REC8: variants seen among roughly 807,000 people sequenced by gnomAD.
REC8 encodes the protein REC8 meiotic recombination protein.
Under a neutral mutation model 78.3 loss-of-function variants are expected in REC8, and 42 were observed. That is an observed-to-expected ratio of 0.54 (90% confidence interval 0.42 to 0.69). The LOEUF (loss-of-function observed/expected upper bound fraction) is 0.69. Among genes scored for constraint, REC8 ranks in the 30% least tolerant of loss-of-function variants. The pLI is 0.00. For missense variants in REC8, 581 were observed against 715.8 expected, an observed-to-expected ratio of 0.81 and a Z score of 2.15; for synonymous variants, 268 against 274.1, an observed-to-expected ratio of 0.98 and a Z score of 0.22.
chr14:24,180,501 G>T (rs1433731453), downstream of REC8: 1 of 1,614,062 alleles, frequency 6.2e-7, no homozygotes, highest in Admixed American at 1.7e-5. Context: ...AGTGAGCCCA[G>T]AGCTGCTTGA....
In REC8 at chr14:24,177,046, C is replaced by T. The variant is rs956695810; in HGVS notation, c.625-95C>T. 34 of 1,387,308 alleles carry T rather than the reference C, an allele frequency of 2.5e-5. No homozygotes were observed. The African/African-American group carries it at 4.5e-4, about 19-fold the overall frequency. The allele number at this position is 1,387,308 out of a possible 1,614,324, so 85.9% of individuals were successfully genotyped here. On this transcript the variant is annotated intron_variant, in intron 7 of 18. Transcript: ENST00000611366. ...CCCAGTGGCTTCCTTGAACCTGGCC[C>T]TGTGGCATGCCTCTGGGATCCACTC... is the stretch of plus-strand genomic sequence containing the variant.
rs1429890024 is a variant in REC8 at position 24,178,315 on chromosome 14, T to TG, written c.996+99dup. ...GAGCCTTCCAAACTCCTCAGGTGGG[T>TG]GGGGGGAGGATTGGGAACTTGATGA... is the stretch of plus-strand genomic sequence containing the variant. On this transcript the variant is annotated intron_variant, in intron 12 of 18. Coordinates refer to ENST00000611366, the MANE Select transcript of REC8 (RefSeq NM_001048205.2). The TG allele has an allele frequency of 5.1e-6, 6 of 1,185,000 alleles. No individual in the cohort carries two copies. In the Admixed American group the frequency reaches 6.4e-5, roughly 13 times the overall value. The allele number at this position is 1,185,000 out of a possible 1,614,324, so 73.4% of individuals were successfully genotyped here.
chr14:24,179,508 C>T lies in REC8; in HGVS notation c.1319+45C>T, dbSNP rs751932120. ...GGGAGCCAGGGCCCACAGCCCTTGG[C>T]CAGGTGGTGGAAACAGCTGCTGGGA... On this transcript the variant is annotated intron_variant, in intron 16 of 18. Coordinates refer to ENST00000611366, the MANE Select transcript of REC8 (RefSeq NM_001048205.2). 5 of 1,613,386 alleles carry T rather than the reference C, an allele frequency of 3.1e-6. No homozygotes were observed. In the East Asian group the frequency reaches 8.9e-5, roughly 29 times the overall value.
downstream of REC8, chr14:24,180,658 G>A (rs768891860): frequency 9.9e-6 from 16 of 1,613,066 alleles, no homozygotes; most frequent in South Asian, 2.2e-5. Flanking sequence ...CCAGCCTCCC[G>A]CAAGCCCCTG....
At chr14:24,178,486 T>A in intron 12 of REC8, 120 bp from the exon 13 acceptor site, 1 of 1,069,088 alleles carries the variant, frequency 9.4e-7, no homozygotes, top group Admixed American at 2.4e-5. Context: ...GCAGGCAGGG[T>A]CATGAGCGCA....
At position 24,177,732 on chromosome 14, in the gene REC8, C is replaced by G; in HGVS notation, c.838C>G (p.Arg280Gly). The G allele has an allele frequency of 1.2e-6, 2 of 1,610,854 alleles. No homozygotes were observed. The highest frequency in any genetic ancestry group is 1.7e-6 in the Non-Finnish European group (2 of 1,178,386). Residue 280 changes from arginine to glycine, a missense_variant, in exon 11 of 19, where the codon CGT (arginine) becomes GGT (glycine). Physicochemically the swap from Arg to Gly is moderately radical, Grantham distance 125. Coordinates refer to ENST00000611366, the MANE Select transcript of REC8 (RefSeq NM_001048205.2). ...LMEVTPPEEL[R>G]LPAPPSPERR... ...AGAGGTGACCCCCCCGGAGGAGCTG[C>G]GTCTGCCAGCCCCACCCAGCCCAGA...
chr14:24,174,047 T>G (rs759615407), intron 5 of REC8, among the ~76,000 whole-genome samples: 15 of 151,808 alleles, frequency 9.9e-5, no homozygotes, highest in Non-Finnish European at 1.8e-4. Flanking sequence ...GTATTTTTAG[T>G]TGAGACAGGG....
chr14:24,179,498 C>T (rs376109147), intron 16 of REC8, 35 bp downstream of exon 16: 4 of 1,613,602 alleles, frequency 2.5e-6, no homozygotes, highest in South Asian at 2.2e-5. Context: ...CCAGGGCCCA[C>T]AGCCCTTGGC....
Position 24,176,849 on chromosome 14 carries a change from C to T in REC8, c.572C>T (p.Pro191Leu). 6.2e-7 allele frequency: 1 copy of T among 1,613,772 alleles called. No homozygotes were observed. Among genetic ancestry groups the T allele is most frequent in the Non-Finnish European group, 8.5e-7 (1 of 1,179,870 alleles). ...AGGATTCCGGTCACTGTGCTGCCAC[C>T]TGAGGCCATCACGATCCTGGAGGCA... ...PERIPVTVLP[P>L]EAITILEAEP... is the part of the protein sequence containing the mutation. The change falls in exon 7 of 19, where the codon CCT (proline) becomes CTT (leucine). Residue 191 changes from proline to leucine, a missense_variant. Transcript: ENST00000611366.
At chr14:24,178,319 G>T in intron 12 of REC8, 97 bp downstream of exon 12, 1 of 1,089,896 alleles carries the variant, frequency 9.2e-7, no homozygotes, top group South Asian at 1.4e-5. Context: ...GGTGGGTGGG[G>T]GGAGGATTGG....
Position 24,178,614 on chromosome 14 carries a change from G to A in REC8, c.1005G>A (p.Val335=), listed in dbSNP as rs375368822. Residue 335 remains valine (V), a synonymous_variant, in exon 13 of 19, where the codon GTG becomes GTA. Coordinates refer to ENST00000611366, the MANE Select transcript of REC8 (RefSeq NM_001048205.2). The part of the protein sequence containing the change: ...TRAHCWECPM[V]QPPERTIRGP... The stretch of plus-strand genomic sequence containing the variant: ...CTTCCCCCACTACACAGCCTATGGT[G>A]CAGCCGCCCGAGAGGACCATCAGAG... The A allele has an allele frequency of 6.2e-7, 1 of 1,614,028 alleles. No individual in the cohort carries two copies. Among genetic ancestry groups the A allele is most frequent in the South Asian group, 1.1e-5 (1 of 91,086 alleles).
chr14:24,173,109 G>A lies in REC8; in HGVS notation c.269-17G>A. On this transcript the variant is annotated splice_polypyrimidine_tract_variant and intron_variant, in intron 3 of 18. Transcript: ENST00000611366. ...GTCTGCTAAGCTGGCTGTCTACCTC[G>A]TCCTCCCTGCCCACAGAGGACATCC... 1 of 1,613,596 alleles carries A rather than the reference G, an allele frequency of 6.2e-7. No individual in the cohort carries two copies. The highest frequency in any genetic ancestry group is 1.1e-5 in the South Asian group (1 of 91,082).
At position 24,180,083 on chromosome 14, in the gene REC8, C is replaced by G; in HGVS notation, c.1632C>G (p.Pro544=). Residue 544 remains proline (P), a synonymous_variant, in exon 19 of 19, where the codon CCC becomes CCG. Transcript: ENST00000611366. ...GTCGCCTCCTGATCCAGCCGGGGCC[C>G]AGATTCCACTGAGGTTAGAGTCCAT... is the stretch of plus-strand genomic sequence containing the variant. ...PYGRLLIQPG[P]RFH 6.2e-7 allele frequency: 1 copy of G among 1,614,164 alleles called. No individual in the cohort carries two copies. Among genetic ancestry groups the G allele is most frequent in the South Asian group, 1.1e-5 (1 of 91,078 alleles).
At position 24,180,188 on chromosome 14, in the gene REC8, T is replaced by A. The variant is rs568707414; in HGVS notation, c.*93T>A. The stretch of plus-strand genomic sequence containing the variant: ...GGGTCCTGCTTACCTCATTTCTGAA[T>A]GTGCATTTCCAGCCTTCTTGCTCTC... On this transcript the variant is annotated 3_prime_UTR_variant, in exon 19 of 19. Transcript: ENST00000611366. The A allele has an allele frequency of 1.2e-6, 2 of 1,600,096 alleles. No homozygotes were observed. The highest frequency in any genetic ancestry group is 2.3e-5 in the South Asian group (2 of 88,364).
Position 24,177,167 on chromosome 14 carries a change from C to T in REC8, c.651C>T (p.Ser217=), listed in dbSNP as rs2038933341. 1 of 1,614,118 alleles carries T rather than the reference C, an allele frequency of 6.2e-7. No homozygotes were observed. The highest frequency in any genetic ancestry group is 8.5e-7 in the Non-Finnish European group (1 of 1,180,000). The change falls in exon 8 of 19, where the codon AGC becomes AGT. Residue 217 remains serine, a synonymous_variant. Transcript: ENST00000611366. ...GTGAACGGGAGCTCCCAGAGGTCAG[C>T]CGCCGAGAACTGGACCTGCTGATCG... ...IEGERELPEV[S]RRELDLLIAE...
At position 24,173,121 on chromosome 14, in the gene REC8, C is replaced by T. The variant is rs1313126419; in HGVS notation, c.269-5C>T. On this transcript the variant is annotated splice_polypyrimidine_tract_variant and splice_region_variant and intron_variant, in intron 3 of 18. Coordinates refer to ENST00000611366, the MANE Select transcript of REC8 (RefSeq NM_001048205.2). ...GGCTGTCTACCTCGTCCTCCCTGCC[C>T]ACAGAGGACATCCAGCACATCTTGG... 1.2e-6 allele frequency: 2 copies of T among 1,613,858 alleles called. No individual in the cohort carries two copies. The highest frequency in any genetic ancestry group is 1.7e-6 in the Non-Finnish European group (2 of 1,180,054).
Position 24,177,558 on chromosome 14 carries a change from C to T in REC8, c.814+17C>T. 6.2e-7 allele frequency: 1 copy of T among 1,605,480 alleles called. No homozygotes were observed. Among genetic ancestry groups the T allele is most frequent in the Non-Finnish European group, 8.5e-7 (1 of 1,175,906 alleles). ...TACTCATGGGTGAGTGCCCACCATG[C>T]CCCAGGGGCTTTTCTGGGAGTACCT... On this transcript the variant is annotated intron_variant, in intron 10 of 18. Transcript: ENST00000611366.
intron 16 of REC8, 25 bp downstream of exon 16, chr14:24,179,488 C>A (rs1445395906): frequency 6.2e-7 from 1 of 1,613,936 alleles, no homozygotes; most frequent in African/African-American, 1.3e-5. Flanking sequence ...TCCGTGGGAG[C>A]CAGGGCCCAC....
Position 24,178,772 on chromosome 14 carries a change from C to T in REC8, c.1064-5C>T. ...ACCCCGTGCCTACTACCCTCTTGTC[C>T]ACAGCTGGCTGGCTACCCCCTGAAC... On this transcript the variant is annotated splice_polypyrimidine_tract_variant and splice_region_variant and intron_variant, in intron 13 of 18. Coordinates refer to ENST00000611366, the MANE Select transcript of REC8 (RefSeq NM_001048205.2). The T allele has an allele frequency of 6.2e-7, 1 of 1,607,496 alleles. No homozygotes were observed.
Sources: allele counts gnomAD v4.1 joint callset (sites outside exome capture counted in the v4.1 genomes callset), GRCh38; gene constraint gnomAD v4.1.1; transcripts MANE v1.5; gene names NCBI Gene and HGNC (gene_info 2026-07-23, HGNC 2026-07-21).